SSBP2: variants seen among roughly 807,000 people sequenced by gnomAD.
SSBP2 encodes the protein single-stranded DNA-binding protein 2.
Under a neutral mutation model 61.8 loss-of-function variants are expected in SSBP2, and 17 were observed. That is an observed-to-expected ratio of 0.28 (90% CI 0.19 to 0.41). The LOEUF (loss-of-function observed/expected upper bound fraction) is 0.41. Ranked by LOEUF, SSBP2 falls within the 10% of genes least tolerant of loss-of-function variation. The probability of loss-of-function intolerance (pLI) is 1.00; values close to 1 mark genes in which losing one functional copy is unlikely to be tolerated. For missense variants in SSBP2, 310 were observed against 458.7 expected (o/e 0.68, Z 2.96); for synonymous variants, 139 against 141.3 (o/e 0.98, Z 0.12).
chr5:81,438,064 T>C (rs1004210710), intron 14 of SSBP2, among the ~76,000 whole-genome samples: 1 of 152,090 alleles, frequency 6.6e-6, no homozygotes, highest in Non-Finnish European at 1.5e-5. Context: ...ATGTAAGAAA[T>C]AGAGACCGGG....
intron 3 of SSBP2, among the ~76,000 whole-genome samples, chr5:81,635,908 G>C (rs1281431073): frequency 1.3e-5 from 2 of 152,184 alleles, no homozygotes; most frequent in African/African-American, 2.4e-5. Context: ...TTGACAATCA[G>C]AGAGTCAAGG....
chr5:81,445,353 T>A (rs983896324), intron 12 of SSBP2, among the ~76,000 whole-genome samples: 3 of 151,234 alleles, frequency 2.0e-5, no homozygotes, highest in African/African-American at 7.3e-5. Flanking sequence ...GATGTACTTG[T>A]GGCAATTTCT....
intron 1 of SSBP2, among the ~76,000 whole-genome samples, chr5:81,667,264 T>A (rs1053314789): frequency 7.0e-6 from 1 of 143,330 alleles, no homozygotes; most frequent in Admixed American, 7.1e-5. Flanking sequence ...TGAGGCAGAG[T>A]ACCAGACAGA....
intron 1 of SSBP2, among the ~76,000 whole-genome samples, chr5:81,692,429 T>C (rs940290738): frequency 1.3e-5 from 2 of 152,318 alleles, no homozygotes; most frequent in African/African-American, 4.8e-5. Flanking sequence ...ATGTCCATAC[T>C]ACCCAAAGCA....
At chr5:81,577,411 T>A (rs1774295180) in intron 4 of SSBP2, among the ~76,000 whole-genome samples, 1 of 151,834 alleles carries the variant, frequency 6.6e-6, no homozygotes, top group African/African-American at 2.4e-5. Context: ...ATGGAAGGAG[T>A]TGGAAGAACA....
intron 4 of SSBP2, among the ~76,000 whole-genome samples, chr5:81,576,319 T>A (rs2972245): frequency 0.69 from 104,780 of 151,984 alleles, 38,168 homozygotes; most frequent in African/African-American, 0.91. Context: ...TTTGAGATTA[T>A]TCTGCTAAAA....
At chr5:81,616,254 G>A (rs898190075) in intron 3 of SSBP2, 2 of 147,918 alleles carry the variant, frequency 1.4e-5, no homozygotes, top group Non-Finnish European at 3.0e-5. Context: ...CGCACCGTGC[G>A]CGAGCCGAAG....
intron 1 of SSBP2, among the ~76,000 whole-genome samples, chr5:81,696,036 G>T (rs1753578905): frequency 6.6e-6 from 1 of 152,068 alleles, no homozygotes; most frequent in South Asian, 2.1e-4. Flanking sequence ...CAGAGTACAG[G>T]CAGAACCTGA....
chr5:81,500,736 G>A (rs1410173078), intron 5 of SSBP2, among the ~76,000 whole-genome samples: 1 of 152,036 alleles, frequency 6.6e-6, no homozygotes, highest in East Asian at 1.9e-4. Flanking sequence ...TGGGATTACA[G>A]GCGTCAGCCA....
At chr5:81,477,253 G>A (rs748111215) in intron 6 of SSBP2, among the ~76,000 whole-genome samples, 20 of 152,118 alleles carry the variant, frequency 1.3e-4, no homozygotes, top group Non-Finnish European at 2.5e-4. Flanking sequence ...TAAACACCAA[G>A]CTTGAAATCT....
intron 1 of SSBP2, among the ~76,000 whole-genome samples, chr5:81,705,923 G>A (rs1484469277): frequency 3.3e-5 from 5 of 152,150 alleles, no homozygotes; most frequent in Non-Finnish European, 5.9e-5. Context: ...AGCCACTGTG[G>A]AAAGCAGTTT....
chr5:81,721,797 G>C (rs1208706444), intron 1 of SSBP2, among the ~76,000 whole-genome samples: 1 of 151,964 alleles, frequency 6.6e-6, no homozygotes, highest in Non-Finnish European at 1.5e-5. Flanking sequence ...ATCATTATAA[G>C]GAATCAAATG....
intron 10 of SSBP2, among the ~76,000 whole-genome samples, chr5:81,455,226 C>T (rs1764055147): frequency 1.3e-5 from 2 of 152,116 alleles, no homozygotes; most frequent in Non-Finnish European, 2.9e-5. Flanking sequence ...GCTTCTTTTC[C>T]TGTGATCCTA....
intron 1 of SSBP2, among the ~76,000 whole-genome samples, chr5:81,673,949 AG>A (rs1321051402): frequency 1.3e-5 from 2 of 152,190 alleles, no homozygotes; most frequent in Admixed American, 6.6e-5. Context: ...TACAGGTTGA[AG>A]CCAGGCATAT....
In SSBP2 at chr5:81,510,047, G is replaced by A. The variant is rs186565728; in HGVS notation, c.372+3581C>T. ...TTTTGTTCATCTTTTAAATATTAGT[G>A]TTTTTTGTAGTTCAGTTGTATATTC... On this transcript the variant is annotated intron_variant, in intron 5 of 16. Coordinates refer to ENST00000320672, the MANE Select transcript of SSBP2 (RefSeq NM_012446.5). Among the ~76,000 whole-genome samples the A allele has an allele frequency of 1.4e-3, 209 of 152,238 alleles. 1 individual carries two copies. Among genetic ancestry groups the A allele is most frequent in the South Asian group, 3.1e-3 (15 of 4,826 alleles).
chr5:81,430,693 T>C (rs1762228581), intron 15 of SSBP2, among the ~76,000 whole-genome samples: 1 of 149,984 alleles, frequency 6.7e-6, no homozygotes, highest in African/African-American at 2.5e-5. Context: ...AACCTCTTCA[T>C]AGCATGGTGG....
intron 1 of SSBP2, among the ~76,000 whole-genome samples, chr5:81,740,114 T>C (rs1479039866): frequency 6.6e-6 from 1 of 152,134 alleles, no homozygotes; most frequent in African/African-American, 2.4e-5. Context: ...CTCAGTAAAA[T>C]TTGAATTCAA....
intron 4 of SSBP2, among the ~76,000 whole-genome samples, chr5:81,597,060 G>C (rs551857132): frequency 1.2e-4 from 19 of 152,172 alleles, no homozygotes; most frequent in Non-Finnish European, 2.8e-4. Flanking sequence ...GCAACCTGTT[G>C]GGAGAAAATT....
In SSBP2 at chr5:81,417,243, G is replaced by A. The variant is rs1329812622; in HGVS notation, c.*3261C>T. 1 of 152,134 alleles carries A rather than the reference G, an allele frequency of 6.6e-6. No homozygotes were observed. Among genetic ancestry groups the A allele is most frequent in the African/African-American group, 2.4e-5 (1 of 41,418 alleles). 9.4% of individuals were successfully genotyped at this position (152,134 alleles called of 1,614,324 possible). On this transcript the variant is annotated 3_prime_UTR_variant, in exon 17 of 17. Coordinates refer to ENST00000320672, the MANE Select transcript of SSBP2 (RefSeq NM_012446.5). ...GACTCCATACTGGAACATTTTCAAA[G>A]GAGTGCTAATAAGATTCACCCATCA...
Sources: gnomAD v4.1 joint callset for allele counts (sites outside exome capture counted in the v4.1 genomes callset) on GRCh38, gnomAD v4.1.1 for gene constraint, MANE v1.5 for transcripts, NCBI Gene and HGNC (gene_info 2026-07-23, HGNC 2026-07-21) for gene names.